Variants in TTC39A observed in about 807,000 individuals in gnomAD.
TTC39A encodes the protein tetratricopeptide repeat domain 39A, also known as tetratricopeptide repeat protein 39A.
In TTC39A, 46 loss-of-function variants were observed where a neutral mutation model predicts 82.3. That is an observed-to-expected ratio of 0.56 (90% CI 0.44 to 0.71). The LOEUF (loss-of-function observed/expected upper bound fraction) is 0.71, where lower values mean the gene tolerates loss of function less well. TTC39A is among the 30% of genes least tolerant of loss of function. The pLI is 0.00. For missense variants in TTC39A, 543 were observed against 712.9 expected (o/e 0.76, Z 2.71); for synonymous variants, 254 against 275.2 (o/e 0.92, Z 0.76).
chr1:51,289,308 C>T (rs1412250620), intron 16 of TTC39A, among the ~76,000 whole-genome samples: 2 of 152,210 alleles, frequency 1.3e-5, no homozygotes, highest in Admixed American at 6.5e-5. Flanking sequence ...TTGCCCGGTA[C>T]CCTTTCTGGC....
chr1:51,334,982 C>T (rs1386284635), upstream of TTC39A: 1 of 152,356 alleles, frequency 6.6e-6, no homozygotes, highest in African/African-American at 2.4e-5. Flanking sequence ...TTCTGCCTCC[C>T]CAACTCAAGT....
chr1:51,333,478 C>G (rs1645938048), upstream of TTC39A, among the ~76,000 whole-genome samples: 1 of 152,248 alleles, frequency 6.6e-6, no homozygotes, highest in Non-Finnish European at 1.5e-5. Flanking sequence ...GTGAAGAATC[C>G]TGAAGCTATA....
At position 51,343,019 on chromosome 1, in the gene TTC39A, G is replaced by A. The variant is rs761281187; in HGVS notation, c.53+1972C>T. The A allele has an allele frequency of 3.1e-5, 14 of 456,102 alleles. No individual in the cohort carries two copies. The East Asian group carries it at 6.3e-4, about 20-fold the overall frequency. The allele number at this position is 456,102 out of a possible 1,614,324, so 28.3% of individuals were successfully genotyped here. A position where few individuals can be genotyped will look rare whatever the true frequency, so the allele number is the denominator to read the frequency against. ...GTAACATACATACACGGGAGACCCC[G>A]AAGGCTCCCTGGTGCCCACAGGACG... On this transcript the variant is annotated intron_variant, in intron 1 of 5. Coordinates refer to the TTC39A transcript ENST00000401051.
chr1:51,288,051 G>A lies in TTC39A; in HGVS notation c.*106C>T, dbSNP rs1017453145. 19 of 1,489,446 alleles carry A rather than the reference G, an allele frequency of 1.3e-5. No individual in the cohort carries two copies. The highest frequency in any genetic ancestry group is 2.3e-4 in the Middle Eastern group (1 of 4,418). The allele number at this position is 1,489,446 out of a possible 1,614,324, so 92.3% of individuals were successfully genotyped here. A position where few individuals can be genotyped will look rare whatever the true frequency, so the allele number is the denominator to read the frequency against. ...GTTGTGCCATCCAACTGGAGTGCCG[G>A]TGGACCCCAAAGGCAGGGCAGGGCA... On this transcript the variant is annotated 3_prime_UTR_variant, in exon 18 of 18. Transcript: ENST00000680483. The surrounding 1 kb of genome is among the most constrained non-coding windows in gnomAD (Gnocchi z 4.8).
intron 1 of TTC39A, chr1:51,326,076 CAG>C (rs1336176898): frequency 2.0e-5 from 3 of 152,268 alleles, no homozygotes; most frequent in African/African-American, 7.2e-5. Flanking sequence ...TCTGGGGACA[CAG>C]AGTGGACACA....
chr1:51,306,225 G>A (rs1369951868), intron 6 of TTC39A, 149 bp from the exon 7 acceptor site: 14 of 631,098 alleles, frequency 2.2e-5, no homozygotes, highest in African/African-American at 7.3e-5. Context: ...GAGGAATTTC[G>A]AACCCCATCT....
At position 51,318,161 on chromosome 1, in the gene TTC39A, T is replaced by G. The variant is rs551930303; in HGVS notation, c.146+3560A>C. 9.9e-5 allele frequency among the ~76,000 whole-genome samples: 15 copies of G among 152,250 alleles called. No individual in the cohort carries two copies. In the South Asian group the frequency reaches 2.9e-3, roughly 29 times the overall value. On this transcript the variant is annotated intron_variant, in intron 2 of 17. Transcript: ENST00000680483. Reference sequence around the variant, plus strand: ...GGGCTTCAGTGGGTGAGGAGAAAGGTGCCTGATGTGTCTGTGCTTGGGGTG... The same window carrying G: ...GGGCTTCAGTGGGTGAGGAGAAAGGGGCCTGATGTGTCTGTGCTTGGGGTG...
At chr1:51,329,378 G>A (rs1645825536) in intron 1 of TTC39A, among the ~76,000 whole-genome samples, 1 of 152,148 alleles carries the variant, frequency 6.6e-6, no homozygotes. Flanking sequence ...TCCAAAGGAG[G>A]GACCAGAAGT....
At chr1:51,300,926 A>C (rs999596023) in intron 12 of TTC39A, 2 of 152,276 alleles carry the variant, frequency 1.3e-5, no homozygotes, top group East Asian at 3.8e-4. Context: ...TATGAGTAGA[A>C]GCAGCCCGTG....
intron 1 of TTC39A, among the ~76,000 whole-genome samples, chr1:51,344,306 C>CTGAACCTCAGAAGA (rs1646071320): frequency 6.6e-6 from 1 of 152,112 alleles, no homozygotes; most frequent in Admixed American, 6.5e-5. Context: ...AAGGGAAGGG[C>CTGAACCTCAGAAGA]TGAACCTCAG....
At chr1:51,318,093 G>C (rs1208906100) in intron 2 of TTC39A, among the ~76,000 whole-genome samples, 1 of 152,210 alleles carries the variant, frequency 6.6e-6, no homozygotes, top group African/African-American at 2.4e-5. Context: ...TTGGCCCCAA[G>C]TCTGCAGGAC....
chr1:51,302,426 C>T lies in TTC39A; in HGVS notation c.832-10G>A, dbSNP rs546044439. On this transcript the variant is annotated splice_polypyrimidine_tract_variant and intron_variant, in intron 10 of 17. Transcript: ENST00000680483. ...ACAGGAAGATGGCACCCTGCAATGA[C>T]ACACATGTAAGTCCGTGTGGGTCCG... 12 of 1,609,150 alleles carry T rather than the reference C, an allele frequency of 7.5e-6. No individual in the cohort carries two copies. The highest frequency in any genetic ancestry group is 1.7e-4 in the Middle Eastern group (1 of 6,058).
intron 1 of TTC39A, among the ~76,000 whole-genome samples, chr1:51,328,183 AT>A (rs1645784074): frequency 6.6e-6 from 1 of 151,946 alleles, no homozygotes; most frequent in Non-Finnish European, 1.5e-5. Flanking sequence ...TCCTGTCTCT[AT>A]TTTATTTTAT....
At chr1:51,339,840 C>T (rs1466278620) in intron 1 of TTC39A, among the ~76,000 whole-genome samples, 2 of 152,166 alleles carry the variant, frequency 1.3e-5, no homozygotes, top group African/African-American at 4.8e-5. Context: ...AAGGGGCTGT[C>T]CCACCCATGG....
chr1:51,332,769 C>A (rs1267572529), upstream of TTC39A, among the ~76,000 whole-genome samples: 1 of 152,134 alleles, frequency 6.6e-6, no homozygotes, highest in Non-Finnish European at 1.5e-5. Flanking sequence ...TTATTGGGAG[C>A]ACATAAATTC....
intron 6 of TTC39A, among the ~76,000 whole-genome samples, chr1:51,307,905 G>A (rs1372871332): frequency 2.0e-5 from 3 of 151,658 alleles, no homozygotes; most frequent in South Asian, 2.1e-4. Flanking sequence ...AATATCCATC[G>A]CCATGAATTC....
In TTC39A at chr1:51,294,415, A is replaced by G. The variant is rs570334646; in HGVS notation, c.1242T>C (p.Pro414=). The G allele has an allele frequency of 6.2e-7, 1 of 1,613,962 alleles. No individual in the cohort carries two copies. Among genetic ancestry groups the G allele is most frequent in the African/African-American group, 1.3e-5 (1 of 75,024 alleles). The change falls in exon 14 of 18, where the codon CCT becomes CCC. Residue 414 remains proline (P), a synonymous_variant. Transcript: ENST00000680483. The surrounding 1 kb of genome is among the most constrained non-coding windows in gnomAD (Gnocchi z 4.3). ...CCAGAGCAGGCACTGGCAGCGAGAT[A>G]GGGTTGGAGGAGAAGTAGCGCCGGG... ...RKSRRYFSSN[P]ISLPVPALEM...
intron 12 of TTC39A, chr1:51,300,187 G>T (rs886655311): frequency 6.6e-6 from 1 of 152,322 alleles, no homozygotes; most frequent in Admixed American, 6.5e-5. Context: ...CTTAGCATCA[G>T]TGGCCCTCAT....
At chr1:51,339,771 T>A (rs891116572) in intron 1 of TTC39A, among the ~76,000 whole-genome samples, 19 of 152,016 alleles carry the variant, frequency 1.2e-4, no homozygotes, top group Non-Finnish European at 2.4e-4. Context: ...CAAAATAAAT[T>A]AATAAATAAA....
Sources: gnomAD v4.1 joint callset for allele counts (sites outside exome capture counted in the v4.1 genomes callset) on GRCh38, gnomAD v4.1.1 for gene constraint, Gnocchi (gnomAD v3.1) non-coding constraint, MANE v1.5 for transcripts, NCBI Gene and HGNC (gene_info 2026-07-23, HGNC 2026-07-21) for gene names.